Variants in GRIK4 observed in about 807,000 individuals in gnomAD.
GRIK4 encodes the protein glutamate ionotropic receptor kainate type subunit 4, also known as glutamate receptor ionotropic, kainate 4.
GRIK4 carries 40 observed loss-of-function variants against 104.9 expected under a neutral mutation model. The observed-to-expected ratio is 0.38, with a 90% CI of 0.30 to 0.50. The LOEUF (loss-of-function observed/expected upper bound fraction) is 0.50, where lower values mean the gene tolerates loss of function less well. Among genes scored for constraint, GRIK4 ranks in the 20% least tolerant of loss-of-function variants. GRIK4 has a pLI of 0.93. For synonymous variants in GRIK4, 485 were observed against 524.9 expected (o/e 0.92, Z 1.04); for missense variants, 1,047 against 1,308.1 (o/e 0.80, Z 3.08).
chr11:120,753,297 CTGTGTGTGTGTGTGTGTG>C (rs57423619), intron 3 of GRIK4, among the ~76,000 whole-genome samples: 16,486 of 130,252 alleles, frequency 0.13, 1,174 homozygotes, highest in South Asian at 0.27. Flanking sequence ...CAACACAACT[CTGTGTGTGTGTGTGTGTG>C]TGTGTGTGTG....
chr11:120,713,726 G>A (rs1312075861), intron 3 of GRIK4, among the ~76,000 whole-genome samples: 2 of 152,164 alleles, frequency 1.3e-5, no homozygotes, highest in Non-Finnish European at 2.9e-5. Context: ...TTGATGAGTC[G>A]CAGTTGCTAA....
At chr11:120,557,529 T>G (rs1199131087) in intron 1 of GRIK4, among the ~76,000 whole-genome samples, 1 of 152,166 alleles carries the variant, frequency 6.6e-6, no homozygotes, top group Non-Finnish European at 1.5e-5. Context: ...TATCTAGCGC[T>G]TCCCTAAATC....
rs1256397874 is a variant in GRIK4, at chr11:120,986,255, G to C, written c.2866G>C (p.Glu956Gln). The C allele has an allele frequency of 6.5e-7, 1 of 1,541,574 alleles. No individual in the cohort carries two copies. Among genetic ancestry groups the C allele is most frequent in the African/African-American group, 1.4e-5 (1 of 70,350 alleles). ...WEKTTNSSEPE is the reference protein window; with the variant it reads ...WEKTTNSSEPQ Reference sequence around the variant, plus strand: ...GAAAACCACCAACAGCAGCGAGCCCGAGTAGTCCCGGAGGCCACAGGACGC... The same window carrying C: ...GAAAACCACCAACAGCAGCGAGCCCCAGTAGTCCCGGAGGCCACAGGACGC... Residue 956 changes from glutamate to glutamine, a missense_variant, in exon 21 of 21, where the codon GAG becomes CAG. Coordinates refer to ENST00000527524, the MANE Select transcript of GRIK4 (RefSeq NM_014619.5).
At chr11:120,823,633 G>A (rs963033016) in intron 6 of GRIK4, among the ~76,000 whole-genome samples, 5 of 152,204 alleles carry the variant, frequency 3.3e-5, no homozygotes, top group Admixed American at 2.6e-4. Context: ...AACAGCCCTG[G>A]AGCAGTGGTT....
In GRIK4 at chr11:120,807,470, C is replaced by T. The variant is rs529012595; in HGVS notation, c.247+4613C>T. ...TGAAACTAGAGGCGCCCTGGTTATC[C>T]GGGCCTCCTGTGGCTCCAGTGCCCG... On this transcript the variant is annotated intron_variant, in intron 4 of 20. Coordinates refer to ENST00000527524, the MANE Select transcript of GRIK4 (RefSeq NM_014619.5). 5.3e-5 allele frequency among the ~76,000 whole-genome samples: 8 copies of T among 152,282 alleles called. No homozygotes were observed. The South Asian group carries it at 6.2e-4, about 12-fold the overall frequency.
intron 6 of GRIK4, among the ~76,000 whole-genome samples, chr11:120,826,901 G>C (rs1361756517): frequency 6.6e-6 from 1 of 152,196 alleles, no homozygotes; most frequent in Non-Finnish European, 1.5e-5. Flanking sequence ...CCTCTGGTGA[G>C]GGTTCGCTCC....
chr11:120,569,161 G>A (rs1285100314), intron 1 of GRIK4, among the ~76,000 whole-genome samples: 1 of 152,204 alleles, frequency 6.6e-6, no homozygotes, highest in Non-Finnish European at 1.5e-5. Flanking sequence ...GCAGCTCCAG[G>A]CGGGGCAACT....
intron 14 of GRIK4, among the ~76,000 whole-genome samples, chr11:120,944,607 G>C (rs1943811932): frequency 6.6e-6 from 1 of 152,174 alleles, no homozygotes; most frequent in South Asian, 2.1e-4. Context: ...CCCCACTTGT[G>C]CCTTGGTTCA....
chr11:120,930,802 C>A (rs1266400191), intron 13 of GRIK4, among the ~76,000 whole-genome samples: 2 of 152,122 alleles, frequency 1.3e-5, no homozygotes, highest in African/African-American at 2.4e-5. Flanking sequence ...GTTGGCCTGG[C>A]TGCAGGGGAG....
chr11:120,595,842 T>A (rs1369445396), intron 1 of GRIK4, among the ~76,000 whole-genome samples: 2 of 152,150 alleles, frequency 1.3e-5, no homozygotes, highest in African/African-American at 4.8e-5. Context: ...TGATTGCTTT[T>A]GTATTTATTA....
chr11:120,742,369 C>G lies in GRIK4; in HGVS notation c.83-60324C>G, dbSNP rs538481874. The stretch of plus-strand genomic sequence containing the variant: ...TCAAAAAAAAAAAAAAAAAAGTGGG[C>G]AAAGGACATGGACACTTCAAAAGAA... On this transcript the variant is annotated intron_variant, in intron 3 of 20. Transcript: ENST00000527524. Among the ~76,000 whole-genome samples, 21 of 145,560 alleles carry G rather than the reference C, an allele frequency of 1.4e-4. No homozygotes were observed. In the South Asian group the frequency reaches 4.6e-3, roughly 32 times the overall value.
intron 1 of GRIK4, among the ~76,000 whole-genome samples, chr11:120,607,035 G>C (rs1476034505): frequency 6.6e-6 from 1 of 152,214 alleles, no homozygotes; most frequent in Non-Finnish European, 1.5e-5. Flanking sequence ...TGGTCTCCTG[G>C]AGATGGCAAG....
chr11:120,951,797 G>A (rs1944007852), intron 14 of GRIK4, among the ~76,000 whole-genome samples: 3 of 152,224 alleles, frequency 2.0e-5, no homozygotes. Context: ...ACTCAGTGGT[G>A]TTGGATCACC....
At chr11:120,541,431 G>C (rs758780969) in intron 1 of GRIK4, among the ~76,000 whole-genome samples, 5 of 152,110 alleles carry the variant, frequency 3.3e-5, no homozygotes, top group Non-Finnish European at 7.4e-5. Flanking sequence ...AATAACATTT[G>C]TCAGTTGACC....
At chr11:120,906,812 G>T (rs777245054) in intron 13 of GRIK4, among the ~76,000 whole-genome samples, 2 of 152,198 alleles carry the variant, frequency 1.3e-5, no homozygotes, top group Non-Finnish European at 2.9e-5. Flanking sequence ...GACCGAGCAG[G>T]GTAAAATGGC....
At chr11:120,966,677 A>T (rs1048533694) in intron 18 of GRIK4, among the ~76,000 whole-genome samples, 3 of 152,158 alleles carry the variant, frequency 2.0e-5, no homozygotes, top group Admixed American at 2.0e-4. Flanking sequence ...TGGCTGTGAG[A>T]AATTAATTTA....
chr11:120,575,193 C>A (rs1948464561), intron 1 of GRIK4, among the ~76,000 whole-genome samples: 1 of 152,152 alleles, frequency 6.6e-6, no homozygotes, highest in South Asian at 2.1e-4. Flanking sequence ...CCTTCGCTCC[C>A]TCCCTTTGAG....
intron 3 of GRIK4, among the ~76,000 whole-genome samples, chr11:120,755,581 C>G (rs1401584905): frequency 6.6e-6 from 1 of 151,638 alleles, no homozygotes; most frequent in Non-Finnish European, 1.5e-5. Flanking sequence ...GCACTCCACC[C>G]TGGGTGACAG....
rs368263427 is a variant in GRIK4, at chr11:120,974,173, G to A, written c.2395+6850G>A. ...TCTGCCCCCCTTGGCCTCCCAAAGT[G>A]CCGGGATTACAGGCGTGAGCCACCA... On this transcript the variant is annotated intron_variant, in intron 19 of 20. Transcript: ENST00000527524. 2.0e-5 allele frequency among the ~76,000 whole-genome samples: 3 copies of A among 152,208 alleles called. No homozygotes were observed. The East Asian group carries it at 5.8e-4, about 29-fold the overall frequency.
Sources: allele counts gnomAD v4.1 joint callset (sites outside exome capture counted in the v4.1 genomes callset), GRCh38; gene constraint gnomAD v4.1.1; transcripts MANE v1.5; gene names NCBI Gene and HGNC (gene_info 2026-07-23, HGNC 2026-07-21).